CREM: variants seen among roughly 807,000 people sequenced by gnomAD.
CREM encodes cAMP responsive element modulator.
Under a neutral mutation model 37.3 loss-of-function variants are expected in CREM, and 13 were observed. The ratio of observed to expected loss-of-function variants is 0.35; its 90% CI spans 0.23 to 0.55. CREM has a LOEUF of 0.55. Ranked by LOEUF, CREM falls within the 20% of genes least tolerant of loss-of-function variation. The pLI, the probability that CREM is intolerant of heterozygous loss-of-function variation, is 0.88. For missense variants in CREM, 296 were observed against 362.3 expected (o/e 0.82, Z 1.49); for synonymous variants, 124 against 120.2 (o/e 1.03, Z -0.21).
rs113224834 is a variant in CREM at position 35,209,362 on chromosome 10, A to G, written c.756-1892A>G. On this transcript the variant is annotated intron_variant, in intron 7 of 7. Coordinates refer to ENST00000685392, the MANE Select transcript of CREM (RefSeq NM_183011.2). The stretch of plus-strand genomic sequence containing the variant: ...TGCACTTCCTCTCCGTGCTGAGGAT[A>G]CACCCAGACACATGCAAGCCTGAAA... The G allele has an allele frequency of 4.9e-3, 4,790 of 985,354 alleles. 18 individuals are homozygous for G. The highest frequency in any genetic ancestry group is 7.2e-3 in the South Asian group (153 of 21,286). The allele number at this position is 985,354 out of a possible 1,614,324, so 61.0% of individuals were successfully genotyped here.
At chr10:35,137,983 T>C in intron 2 of CREM, 104 bp downstream of exon 2, 1 of 712,280 alleles carries the variant, frequency 1.4e-6, no homozygotes, top group Non-Finnish European at 2.1e-6. Context: ...TATGTATGTA[T>C]ATATATTCTA....
intron 3 of CREM, among the ~76,000 whole-genome samples, chr10:35,166,266 C>CA (rs35532709): frequency 0.29 from 44,426 of 151,616 alleles, 7,037 homozygotes; most frequent in South Asian, 0.35. Context: ...AAAAACAAAA[C>CA]AAAAAAAACA....
chr10:35,146,986 A>G (rs2092180615), intron 2 of CREM, among the ~76,000 whole-genome samples: 1 of 147,110 alleles, frequency 6.8e-6, no homozygotes, highest in African/African-American at 2.5e-5. Flanking sequence ...ACATTGTATT[A>G]TTGACAGCTG....
chr10:35,150,716 G>A (rs557571250), intron 3 of CREM, among the ~76,000 whole-genome samples: 11 of 152,254 alleles, frequency 7.2e-5, no homozygotes, highest in African/African-American at 2.6e-4. Flanking sequence ...AGCTGCTCGG[G>A]AGGCTGAGGC....
chr10:35,129,630 C>G (rs1564774392), intron 1 of CREM, among the ~76,000 whole-genome samples: 2 of 152,156 alleles, frequency 1.3e-5, no homozygotes, highest in African/African-American at 2.4e-5. Context: ...ATGTCCTGTT[C>G]CTTTTAGATA....
intron 3 of CREM, among the ~76,000 whole-genome samples, chr10:35,170,200 C>T (rs1193903259): frequency 6.6e-6 from 1 of 152,060 alleles, no homozygotes; most frequent in African/African-American, 2.4e-5. Context: ...CTCCTGAACT[C>T]GTGATCCGCC....
chr10:35,139,089 A>G (rs2091061015), intron 2 of CREM, among the ~76,000 whole-genome samples: 1 of 151,900 alleles, frequency 6.6e-6, no homozygotes, highest in South Asian at 2.1e-4. Context: ...TCCTGCTATT[A>G]TTAGTTGTTT....
At chr10:35,142,099 C>T (rs1180695787) in intron 2 of CREM, among the ~76,000 whole-genome samples, 2 of 151,990 alleles carry the variant, frequency 1.3e-5, no homozygotes, top group Non-Finnish European at 1.5e-5. Flanking sequence ...TGTGAAGTAA[C>T]GGAGATAGTA....
chr10:35,128,878 T>A (rs1460101985), intron 1 of CREM, among the ~76,000 whole-genome samples: 1 of 152,172 alleles, frequency 6.6e-6, no homozygotes, highest in Non-Finnish European at 1.5e-5. Context: ...TCCTAAGTCA[T>A]AGTAGTCTTA....
intron 7 of CREM, 70 bp downstream of exon 7, chr10:35,207,121 A>T: frequency 6.6e-7 from 1 of 1,511,656 alleles, no homozygotes; most frequent in Middle Eastern, 2.1e-4. Context: ...CACCGGGCGC[A>T]GTGGCTCACG....
At chr10:35,179,573 G>T in intron 5 of CREM, 1 of 324,928 alleles carries the variant, frequency 3.1e-6, no homozygotes, top group South Asian at 1.1e-4. Flanking sequence ...CATTGTTTTT[G>T]TTGTCTTTAT....
chr10:35,169,101 G>A (rs1376394448), intron 3 of CREM, among the ~76,000 whole-genome samples: 1 of 152,108 alleles, frequency 6.6e-6, no homozygotes, highest in African/African-American at 2.4e-5. Flanking sequence ...GGTTCCATAT[G>A]AACTTTAAAG....
At chr10:35,127,923 G>T (rs1483099739) in intron 1 of CREM, among the ~76,000 whole-genome samples, 2 of 152,016 alleles carry the variant, frequency 1.3e-5, no homozygotes, top group Non-Finnish European at 1.5e-5. Flanking sequence ...TCGGCTCACT[G>T]CAGCCTCTGC....
At chr10:35,151,671 GC>G (rs553237488) in intron 3 of CREM, among the ~76,000 whole-genome samples, 48 of 152,310 alleles carry the variant, frequency 3.2e-4, no homozygotes, top group African/African-American at 1.1e-3. Context: ...ACTGCACCTG[GC>G]CTGTTTGAAG....
At chr10:35,138,314 G>A (rs2090902038) in intron 2 of CREM, among the ~76,000 whole-genome samples, 1 of 152,154 alleles carries the variant, frequency 6.6e-6, no homozygotes, top group South Asian at 2.1e-4. Flanking sequence ...TACTTTCAGA[G>A]ACATTCTGTT....
chr10:35,166,389 C>G (rs542199158), intron 3 of CREM, among the ~76,000 whole-genome samples: 1 of 151,828 alleles, frequency 6.6e-6, no homozygotes, highest in African/African-American at 2.4e-5. Flanking sequence ...GGTGAAACTC[C>G]GTCTCTACTA....
At chr10:35,133,900 G>A (rs552197815) in intron 1 of CREM, among the ~76,000 whole-genome samples, 1 of 152,296 alleles carries the variant, frequency 6.6e-6, no homozygotes, top group African/African-American at 2.4e-5. Flanking sequence ...TCACAGGAGT[G>A]GAGAACACTG....
At chr10:35,183,818 T>C (rs2094448767) in intron 5 of CREM, among the ~76,000 whole-genome samples, 1 of 152,240 alleles carries the variant, frequency 6.6e-6, no homozygotes, top group Non-Finnish European at 1.5e-5. Context: ...TTCACGCCTG[T>C]AATCCCAGCA....
chr10:35,189,578 C>T (rs183496780), intron 6 of CREM, among the ~76,000 whole-genome samples: 4 of 152,130 alleles, frequency 2.6e-5, no homozygotes, highest in South Asian at 2.1e-4. Flanking sequence ...TGCAGTGGCG[C>T]GATCTCGGCT....
Sources: gnomAD v4.1 joint callset for allele counts (sites outside exome capture counted in the v4.1 genomes callset) on GRCh38, gnomAD v4.1.1 for gene constraint, MANE v1.5 for transcripts, NCBI Gene and HGNC (gene_info 2026-07-23, HGNC 2026-07-21) for gene names.